The following EREG variants were observed in gnomAD, a reference collection of about 807,000 sequenced individuals.
EREG encodes epiregulin, also known as proepiregulin.
A neutral mutation model predicts 22.4 loss-of-function variants in EREG; 23 were observed. The observed-to-expected ratio is 1.03, with a 90% CI of 0.74 to 1.46. The LOEUF is 1.46. Among genes scored for constraint, EREG ranks in the 40% most tolerant of loss-of-function variants. The pLI is 0.00. For missense variants in EREG, 226 were observed against 205.9 expected, an observed-to-expected ratio of 1.10 and a Z score of -0.60; for synonymous variants, 100 against 75.4, an observed-to-expected ratio of 1.33 and a Z score of -1.69.
chr4:74,371,899 T>C (rs934945854), intron 1 of EREG, among the ~76,000 whole-genome samples: 1 of 151,824 alleles, frequency 6.6e-6, no homozygotes, highest in Non-Finnish European at 1.5e-5. Context: ...CATCTATAAA[T>C]TCTCTCCTTT....
In EREG at chr4:74,368,982, T is replaced by C. The variant is rs76695009; in HGVS notation, c.67+3607T>C. Reference sequence around the variant, plus strand: ...AGTTTACCTAAGACTGGGTGTTTAGTTATAGGGCACATAAAGGTTGAGTGG... The same window carrying C: ...AGTTTACCTAAGACTGGGTGTTTAGCTATAGGGCACATAAAGGTTGAGTGG... On this transcript the variant is annotated intron_variant, in intron 1 of 4. Transcript: ENST00000244869. Among the ~76,000 whole-genome samples the C allele has an allele frequency of 3.6e-3, 543 of 152,310 alleles. 1 individual carries two copies. The highest frequency in any genetic ancestry group is 5.3e-3 in the Non-Finnish European group (359 of 68,026).
At chr4:74,375,721 C>G (rs949985953) in intron 1 of EREG, among the ~76,000 whole-genome samples, 5 of 152,002 alleles carry the variant, frequency 3.3e-5, no homozygotes, top group African/African-American at 9.7e-5. Flanking sequence ...ACTCTTCTAC[C>G]CTAGTTTGCA....
chr4:74,386,542 G>T lies in EREG; in HGVS notation c.*1734G>T, dbSNP rs889619429. The T allele has an allele frequency of 6.6e-6, 1 of 152,052 alleles. No homozygotes were observed. Among genetic ancestry groups the T allele is most frequent in the African/African-American group, 2.4e-5 (1 of 41,374 alleles). 9.4% of individuals were successfully genotyped at this position (152,052 alleles called of 1,614,324 possible). A position where few individuals can be genotyped will look rare whatever the true frequency, so the allele number is the denominator to read the frequency against. ...TGGATCATAGAATTGCAGTCATTTG[G>T]TGCTCTGCTAACCATTTATATAAAA... On this transcript the variant is annotated 3_prime_UTR_variant, in exon 5 of 5. Coordinates refer to ENST00000244869, the MANE Select transcript of EREG (RefSeq NM_001432.3).
intron 1 of EREG, among the ~76,000 whole-genome samples, chr4:74,375,152 T>G (rs1389494979): frequency 6.6e-6 from 1 of 151,966 alleles, no homozygotes; most frequent in Non-Finnish European, 1.5e-5. Flanking sequence ...CTGTCAAGAA[T>G]GAAAAAGCCA....
intron 1 of EREG, among the ~76,000 whole-genome samples, chr4:74,370,417 G>T (rs1054337527): frequency 6.6e-6 from 1 of 152,118 alleles, no homozygotes; most frequent in Non-Finnish European, 1.5e-5. Context: ...TCAATTAGCT[G>T]CACTTTAAAA....
At position 74,385,307 on chromosome 4, in the gene EREG, G is replaced by A. The variant is rs185110197; in HGVS notation, c.*499G>A. On this transcript the variant is annotated 3_prime_UTR_variant, in exon 5 of 5. Coordinates refer to ENST00000244869, the MANE Select transcript of EREG (RefSeq NM_001432.3). ...AAACAATAATGCAATTAGAATTTGG[G>A]AGAAGCAAATATAGGTCCTGTGTTA... 6.5e-6 allele frequency: 1 copy of A among 153,562 alleles called. No homozygotes were observed. Among genetic ancestry groups the A allele is most frequent in the Non-Finnish European group, 1.4e-5 (1 of 68,978 alleles). The allele number at this position is 153,562 out of a possible 1,614,324, so 9.5% of individuals were successfully genotyped here. A position where few individuals can be genotyped will look rare whatever the true frequency, so the allele number is the denominator to read the frequency against.
At chr4:74,372,248 C>T (rs919121420) in intron 1 of EREG, among the ~76,000 whole-genome samples, 1 of 152,134 alleles carries the variant, frequency 6.6e-6, no homozygotes, top group Non-Finnish European at 1.5e-5. Context: ...TCCTTAGCAG[C>T]CTGCAGTGTG....
At position 74,381,145 on chromosome 4, in the gene EREG, G is replaced by A; in HGVS notation, c.278+8G>A. 6.2e-7 allele frequency: 1 copy of A among 1,606,724 alleles called. No homozygotes were observed. The highest frequency in any genetic ancestry group is 8.5e-7 in the Non-Finnish European group (1 of 1,177,786). ...GAGTCAAAACTACTGCAGGTAATAT[G>A]TCAGAAATAAACAAACACAGTTTGT... On this transcript the variant is annotated splice_region_variant and intron_variant, in intron 3 of 4. Coordinates refer to ENST00000244869, the MANE Select transcript of EREG (RefSeq NM_001432.3).
rs1317426209 is a variant in EREG, at chr4:74,365,338, C to T, written c.30C>T (p.Leu10=). 5 of 1,609,082 alleles carry T rather than the reference C, an allele frequency of 3.1e-6. No individual in the cohort carries two copies. In the African/African-American group the frequency reaches 6.7e-5, roughly 21 times the overall value. ...CCGCGGGGAGGAGGATGGAGATGCT[C>T]TGTGCCGGCAGGGTCCCTGCGCTGC... MTAGRRMEM[L]CAGRVPALLL... The change falls in exon 1 of 5, where the codon CTC becomes CTT. Residue 10 remains leucine, a synonymous_variant. Transcript: ENST00000244869.
chr4:74,368,392 A>G (rs1442560705), intron 1 of EREG, among the ~76,000 whole-genome samples: 1 of 152,186 alleles, frequency 6.6e-6, no homozygotes, highest in Admixed American at 6.5e-5. Context: ...TATATTTTCC[A>G]AGGTTTACAT....
chr4:74,379,725 C>A (rs975975594), intron 2 of EREG, among the ~76,000 whole-genome samples, 191 bp downstream of exon 2: 1 of 152,060 alleles, frequency 6.6e-6, no homozygotes, highest in Non-Finnish European at 1.5e-5. Context: ...AGGAGAGGGA[C>A]CGGATAAATT....
At chr4:74,370,588 TTCAGTATTAACTGAAGA>T (rs1752272324) in intron 1 of EREG, among the ~76,000 whole-genome samples, 1 of 152,074 alleles carries the variant, frequency 6.6e-6, no homozygotes, top group Non-Finnish European at 1.5e-5. Flanking sequence ...TATTATATTA[TTCAGTATTAACTGAAGA>T]TATTTGTGTG....
intron 4 of EREG, among the ~76,000 whole-genome samples, chr4:74,383,772 T>G (rs919430234): frequency 6.6e-6 from 1 of 152,182 alleles, no homozygotes; most frequent in Admixed American, 6.5e-5. Context: ...CATTTGATTC[T>G]AAGTATCCAT....
chr4:74,378,367 A>G (rs899054716), intron 1 of EREG, among the ~76,000 whole-genome samples: 2 of 152,224 alleles, frequency 1.3e-5, no homozygotes, highest in African/African-American at 4.8e-5. Flanking sequence ...GGAGGTATTT[A>G]TTCTCAAAAG....
At position 74,384,836 on chromosome 4, in the gene EREG, A is replaced by G; in HGVS notation, c.*28A>G. 1 of 1,387,086 alleles carries G rather than the reference A, an allele frequency of 7.2e-7. No individual in the cohort carries two copies. Among genetic ancestry groups the G allele is most frequent in the Non-Finnish European group, 1.0e-6 (1 of 976,196 alleles). 85.9% of individuals were successfully genotyped at this position (1,387,086 alleles called of 1,614,324 possible). A position where few individuals can be genotyped will look rare whatever the true frequency, so the allele number is the denominator to read the frequency against. ...GGCGCCATCAAACTTATGGGCAGGGATAACAGTGTGCCTGGTTAATATTAA... is the reference window on the plus strand; with the variant it reads ...GGCGCCATCAAACTTATGGGCAGGGGTAACAGTGTGCCTGGTTAATATTAA... On this transcript the variant is annotated 3_prime_UTR_variant, in exon 5 of 5. Coordinates refer to ENST00000244869, the MANE Select transcript of EREG (RefSeq NM_001432.3).
chr4:74,374,826 C>T (rs1752351477), intron 1 of EREG, among the ~76,000 whole-genome samples: 1 of 152,076 alleles, frequency 6.6e-6, no homozygotes, highest in African/African-American at 2.4e-5. Context: ...TCTGAGATTT[C>T]ACTGAAACAT....
At chr4:74,378,901 A>C (rs1752429041) in intron 1 of EREG, among the ~76,000 whole-genome samples, 1 of 152,192 alleles carries the variant, frequency 6.6e-6, no homozygotes, top group Non-Finnish European at 1.5e-5. Flanking sequence ...ATATTAGACA[A>C]GATATATTCT....
intron 1 of EREG, among the ~76,000 whole-genome samples, chr4:74,371,550 A>G (rs183580319): frequency 5.9e-5 from 9 of 151,912 alleles, no homozygotes; most frequent in Admixed American, 1.3e-4. Flanking sequence ...TCTGCTCTCT[A>G]CCACCTGTTT....
rs77552019 is a variant in EREG, at chr4:74,383,225, T to G, written c.428+431T>G. Among the ~76,000 whole-genome samples, 30 of 152,304 alleles carry G rather than the reference T, an allele frequency of 2.0e-4. No individual in the cohort carries two copies. In the East Asian group the frequency reaches 5.2e-3, roughly 26 times the overall value. On this transcript the variant is annotated intron_variant, in intron 4 of 4. Transcript: ENST00000244869. Reference sequence around the variant, plus strand: ...TATCTTACATTAGTTATAGGGTGGTTGCTTTTAGTATGTAATATGATATTT... The same window carrying G: ...TATCTTACATTAGTTATAGGGTGGTGGCTTTTAGTATGTAATATGATATTT...
Sources: gnomAD v4.1 joint callset for allele counts (sites outside exome capture counted in the v4.1 genomes callset) on GRCh38, gnomAD v4.1.1 for gene constraint, MANE v1.5 for transcripts, NCBI Gene and HGNC (gene_info 2026-07-23, HGNC 2026-07-21) for gene names.